INPP4A: variants seen among roughly 807,000 people sequenced by gnomAD.
INPP4A encodes the protein inositol polyphosphate-4-phosphatase, type I, 107kD.
Under a neutral mutation model 119.8 loss-of-function variants are expected in INPP4A, and 33 were observed. The observed-to-expected ratio is 0.28, with a 90% CI of 0.21 to 0.37. The LOEUF (loss-of-function observed/expected upper bound fraction) is 0.37. INPP4A is among the 10% of genes least tolerant of loss of function. The pLI, the probability that INPP4A is intolerant of heterozygous loss-of-function variation, is 1.00. For synonymous variants in INPP4A, 496 were observed against 500.7 expected (o/e 0.99, Z 0.12); for missense variants, 956 against 1,289.9 (o/e 0.74, Z 3.97).
chr2:98,448,827 C>T (rs1694731459), intron 1 of INPP4A, among the ~76,000 whole-genome samples: 1 of 151,990 alleles, frequency 6.6e-6, no homozygotes, highest in East Asian at 1.9e-4. Context: ...CTTTAGCCTC[C>T]TGAGTAGCTG....
chr2:98,492,002 G>A (rs1169698268), intron 1 of INPP4A, among the ~76,000 whole-genome samples: 1 of 152,008 alleles, frequency 6.6e-6, no homozygotes, highest in African/African-American at 2.4e-5. Context: ...TGATTCTCAT[G>A]CCTCAGCCTC....
intron 1 of INPP4A, among the ~76,000 whole-genome samples, chr2:98,481,917 A>G (rs974124614): frequency 6.6e-6 from 1 of 152,162 alleles, no homozygotes; most frequent in African/African-American, 2.4e-5. Flanking sequence ...TCCCTTCATT[A>G]CGAGTTTGCC....
chr2:98,561,602 G>A (rs1695487579), intron 17 of INPP4A, among the ~76,000 whole-genome samples: 1 of 152,088 alleles, frequency 6.6e-6, no homozygotes, highest in African/African-American at 2.4e-5. Flanking sequence ...ATGTAGCGAA[G>A]CAATCGTTCT....
At chr2:98,507,528 A>G (rs1684301231) in intron 1 of INPP4A, among the ~76,000 whole-genome samples, 1 of 151,958 alleles carries the variant, frequency 6.6e-6, no homozygotes, top group Admixed American at 6.5e-5. Flanking sequence ...GCTTTCTCCC[A>G]CCCAAGCTCA....
rs762599387 is a variant in INPP4A, at chr2:98,552,813, C to T, written c.1191C>T (p.Ile397=). The T allele has an allele frequency of 6.2e-7, 1 of 1,613,686 alleles. No individual in the cohort carries two copies. Among genetic ancestry groups the T allele is most frequent in the South Asian group, 1.1e-5 (1 of 91,050 alleles). Residue 397 remains isoleucine (I), a synonymous_variant, in exon 14 of 25, where the codon ATC becomes ATT. Transcript: ENST00000409851. Reference sequence around the variant, plus strand: ...CATCATCTGGCTGCCAGTCCATAATCTACATACCCCAGGATGTTGTCAGAG... The same window carrying T: ...CATCATCTGGCTGCCAGTCCATAATTTACATACCCCAGGATGTTGTCAGAG... ...KHTSSGCQSI[I]YIPQDVVRAK...
chr2:98,458,266 C>T (rs1696505554), intron 1 of INPP4A, among the ~76,000 whole-genome samples: 3 of 152,208 alleles, frequency 2.0e-5, no homozygotes, highest in African/African-American at 7.2e-5. Context: ...ATAGCTTCAG[C>T]CCAGGAGTTC....
At chr2:98,553,801 ATGT>A (rs1693981674) in intron 14 of INPP4A, among the ~76,000 whole-genome samples, 1 of 152,228 alleles carries the variant, frequency 6.6e-6, no homozygotes. Flanking sequence ...AAAACCAGAC[ATGT>A]TGTGCCAGGA....
chr2:98,496,019 C>T (rs1681867944), intron 1 of INPP4A, among the ~76,000 whole-genome samples: 1 of 152,150 alleles, frequency 6.6e-6, no homozygotes, highest in South Asian at 2.1e-4. Context: ...ATACTGGAGT[C>T]AGGCTGGAAT....
chr2:98,512,833 A>T (rs528176390), intron 1 of INPP4A, among the ~76,000 whole-genome samples: 1 of 152,224 alleles, frequency 6.6e-6, no homozygotes, highest in Admixed American at 6.5e-5. Flanking sequence ...GAGCCCCGAG[A>T]GGCATGAGGA....
chr2:98,455,714 CAT>C (rs1459716809), intron 1 of INPP4A, among the ~76,000 whole-genome samples: 8 of 152,206 alleles, frequency 5.3e-5, no homozygotes, highest in Non-Finnish European at 8.8e-5. Flanking sequence ...CACACACACA[CAT>C]ACAAGTGTCT....
intron 15 of INPP4A, 48 bp from the exon 16 acceptor site, chr2:98,555,505 G>C: frequency 1.3e-6 from 2 of 1,547,346 alleles, no homozygotes; most frequent in Non-Finnish European, 8.7e-7. Context: ...TTATGTTTGT[G>C]TTTCTGTTCG....
In INPP4A at chr2:98,445,106, A is replaced by C. The variant is rs866874860; in HGVS notation, c.-166+21A>C. The C allele has an allele frequency of 4.0e-5, 6 of 150,200 alleles. 1 individual carries two copies. The South Asian group carries it at 7.3e-4, about 18-fold the overall frequency. 9.3% of individuals were successfully genotyped at this position (150,200 alleles called of 1,614,324 possible). On this transcript the variant is annotated intron_variant, in intron 1 of 24. Transcript: ENST00000409851. The stretch of plus-strand genomic sequence containing the variant: ...GCCAGGTAGGTGGGCCGGGCCGGGC[A>C]GGAGGCGACGCGGCCGCCGCGGGGG...
At chr2:98,470,356 G>A (rs571859127) in intron 1 of INPP4A, among the ~76,000 whole-genome samples, 5 of 152,222 alleles carry the variant, frequency 3.3e-5, no homozygotes, top group Non-Finnish European at 4.4e-5. Flanking sequence ...TCCCCTGATT[G>A]GACTCCTGCC....
At chr2:98,496,810 G>A (rs1682059102) in intron 1 of INPP4A, among the ~76,000 whole-genome samples, 1 of 152,190 alleles carries the variant, frequency 6.6e-6, no homozygotes, top group African/African-American at 2.4e-5. Context: ...TAAGGAAACA[G>A]CTGTAAAGTG....
chr2:98,488,935 CTGTGTGTGTGTGTG>C (rs55758146), intron 1 of INPP4A, among the ~76,000 whole-genome samples: 282 of 126,118 alleles, frequency 2.2e-3, no homozygotes, highest in African/African-American at 5.3e-3. Flanking sequence ...AGTACATGCA[CTGTGTGTGTGTGTG>C]TGTGTGTGTG....
chr2:98,575,801 A>G (rs1012125969), intron 23 of INPP4A, among the ~76,000 whole-genome samples: 1 of 152,202 alleles, frequency 6.6e-6, no homozygotes, highest in Non-Finnish European at 1.5e-5. Flanking sequence ...GCCCACCATC[A>G]TATCACTTGG....
In INPP4A at chr2:98,522,259, C is replaced by T. The variant is rs137895840; in HGVS notation, c.151+1528C>T. On this transcript the variant is annotated intron_variant, in intron 4 of 24. Coordinates refer to ENST00000409851, the MANE Select transcript of INPP4A (RefSeq NM_001134225.2). ...CCGAGATTGCACCATTACACTCTAG[C>T]CTGGGCAACAGAGCGAGACTCTGTC... is the stretch of plus-strand genomic sequence containing the variant. Among the ~76,000 whole-genome samples the T allele has an allele frequency of 3.7e-3, 556 of 149,260 alleles. 7 individuals carry two copies. The highest frequency in any genetic ancestry group is 0.013 in the African/African-American group (535 of 40,656).
At chr2:98,493,283 G>A (rs561418518) in intron 1 of INPP4A, among the ~76,000 whole-genome samples, 5 of 152,200 alleles carry the variant, frequency 3.3e-5, no homozygotes, top group East Asian at 1.9e-4. Context: ...GAGCTACTTC[G>A]AGGGAGATGT....
At chr2:98,574,429 G>C (rs756771087) in intron 23 of INPP4A, among the ~76,000 whole-genome samples, 57 of 152,150 alleles carry the variant, frequency 3.7e-4, no homozygotes, top group Non-Finnish European at 6.0e-4. Flanking sequence ...GCTGAGGTCA[G>C]GAGTTCGAGA....
Sources: allele counts gnomAD v4.1 joint callset (sites outside exome capture counted in the v4.1 genomes callset), GRCh38; gene constraint gnomAD v4.1.1; transcripts MANE v1.5; gene names NCBI Gene and HGNC (gene_info 2026-07-23, HGNC 2026-07-21).